The following STK39 variants were observed in gnomAD, a reference collection of about 807,000 sequenced individuals.
The protein encoded by STK39 is serine/threonine kinase 39, also known as STE20/SPS1-related proline-alanine-rich protein kinase.
A neutral mutation model predicts 77.8 loss-of-function variants in STK39; 20 were observed. The ratio of observed to expected loss-of-function variants is 0.26; its 90% CI spans 0.18 to 0.37. STK39 has a LOEUF of 0.37. Among genes scored for constraint, STK39 ranks in the 10% least tolerant of loss-of-function variants. The probability of loss-of-function intolerance (pLI) is 1.00; values close to 1 mark genes in which losing one functional copy is unlikely to be tolerated. For synonymous variants in STK39, 246 were observed against 234.1 expected, an observed-to-expected ratio of 1.05 and a Z score of -0.47; for missense variants, 479 against 656.5, an observed-to-expected ratio of 0.73 and a Z score of 2.95.
At position 168,046,096 on chromosome 2, in the gene STK39, G is replaced by A. The variant is rs376188726; in HGVS notation, c.1376+17404C>T. Among the ~76,000 whole-genome samples the A allele has an allele frequency of 1.2e-4, 18 of 152,302 alleles. No homozygotes were observed. The East Asian group carries it at 2.3e-3, about 20-fold the overall frequency. ...GAAAACTAGCAAGATGGCCAGGCAT[G>A]GTGGCTCACACCTGTAATCCCAGCA... On this transcript the variant is annotated intron_variant, in intron 14 of 17. Coordinates refer to ENST00000355999, the MANE Select transcript of STK39 (RefSeq NM_013233.3).
At chr2:168,012,748 A>C (rs1684302791) in intron 15 of STK39, 46 bp from the exon 16 acceptor site, 1 of 1,520,710 alleles carries the variant, frequency 6.6e-7, no homozygotes. Flanking sequence ...ATAACATAAA[A>C]ATCAACAACC....
intron 12 of STK39, among the ~76,000 whole-genome samples, chr2:168,067,392 T>G (rs998773679): frequency 2.0e-5 from 3 of 152,116 alleles, no homozygotes; most frequent in Non-Finnish European, 2.9e-5. Flanking sequence ...GTGTGGCACC[T>G]CCTTCCCACT....
At chr2:168,120,732 G>A (rs1687384020) in intron 10 of STK39, among the ~76,000 whole-genome samples, 2 of 152,146 alleles carry the variant, frequency 1.3e-5, no homozygotes, top group Admixed American at 1.3e-4. Context: ...ATTATATTAT[G>A]TATTACCTAA....
At chr2:168,168,451 C>T (rs781558422) in intron 2 of STK39, among the ~76,000 whole-genome samples, 14 of 152,032 alleles carry the variant, frequency 9.2e-5, no homozygotes, top group Non-Finnish European at 1.9e-4. Flanking sequence ...TCAAAGAAAC[C>T]TCATTTTTGC....
chr2:167,994,054 T>C (rs942854523), intron 16 of STK39, among the ~76,000 whole-genome samples: 1 of 152,234 alleles, frequency 6.6e-6, no homozygotes. Context: ...TCATATGTCA[T>C]TCTGGAATAC....
At chr2:168,153,525 G>C (rs1688344456) in intron 5 of STK39, among the ~76,000 whole-genome samples, 2 of 151,908 alleles carry the variant, frequency 1.3e-5, no homozygotes, top group African/African-American at 2.4e-5. Flanking sequence ...TTTTTATCAA[G>C]TTTATGCTGC....
intron 10 of STK39, among the ~76,000 whole-genome samples, chr2:168,118,793 C>T (rs938200248): frequency 9.2e-5 from 14 of 152,210 alleles, no homozygotes; most frequent in African/African-American, 3.4e-4. Context: ...TTTTTACAGA[C>T]TGGTAAGCAA....
chr2:168,230,270 AC>A (rs1312738291), intron 1 of STK39, among the ~76,000 whole-genome samples: 4 of 152,136 alleles, frequency 2.6e-5, no homozygotes, highest in Non-Finnish European at 5.9e-5. Context: ...ATATGCTTTA[AC>A]CCAAGGAATG....
At chr2:168,025,255 A>G (rs932137013) in intron 14 of STK39, among the ~76,000 whole-genome samples, 2 of 152,208 alleles carry the variant, frequency 1.3e-5, no homozygotes, top group Admixed American at 1.3e-4. Flanking sequence ...TTCATTATCA[A>G]CTACCTATAT....
At chr2:167,968,258 G>A (rs186657273) in intron 16 of STK39, among the ~76,000 whole-genome samples, 5 of 152,260 alleles carry the variant, frequency 3.3e-5, no homozygotes, top group South Asian at 4.2e-4. Flanking sequence ...CATACTATGC[G>A]TGTGTCTTTT....
chr2:167,956,222 T>C (rs999204124), intron 17 of STK39, among the ~76,000 whole-genome samples: 6 of 152,206 alleles, frequency 3.9e-5, no homozygotes, highest in Non-Finnish European at 8.8e-5. Flanking sequence ...GTGTGTCAAA[T>C]ACTTTATTTT....
At chr2:168,221,225 A>C (rs992479738) in intron 1 of STK39, among the ~76,000 whole-genome samples, 3 of 152,326 alleles carry the variant, frequency 2.0e-5, no homozygotes, top group Admixed American at 6.5e-5. Context: ...GTTGCTGGGT[A>C]CAACAAAAAA....
intron 1 of STK39, among the ~76,000 whole-genome samples, chr2:168,203,044 G>C (rs576698038): frequency 1.7e-4 from 26 of 152,186 alleles, no homozygotes; most frequent in Non-Finnish European, 3.2e-4. Flanking sequence ...TTTTGAGCAG[G>C]ATAATTCTTC....
intron 14 of STK39, among the ~76,000 whole-genome samples, chr2:168,038,713 T>C (rs767493168): frequency 2.6e-5 from 4 of 152,140 alleles, no homozygotes; most frequent in Non-Finnish European, 4.4e-5. Context: ...AAAGAATTTA[T>C]GTAACTCAGA....
chr2:168,065,286 A>G lies in STK39; in HGVS notation c.1305+33T>C, dbSNP rs752192057. ...TTTTTAAAGGATCTGTCTACAAAGC[A>G]CCTCAAACGGAATGACTGGCAGAGA... On this transcript the variant is annotated intron_variant, in intron 13 of 17. Transcript: ENST00000355999. 1.9e-6 allele frequency: 3 copies of G among 1,611,156 alleles called. No homozygotes were observed. In the South Asian group the frequency reaches 3.3e-5, roughly 18 times the overall value.
chr2:168,202,962 A>G (rs1689647389), intron 1 of STK39, among the ~76,000 whole-genome samples: 1 of 152,216 alleles, frequency 6.6e-6, no homozygotes, highest in South Asian at 2.1e-4. Context: ...ACAGAATGCT[A>G]TTGACAGGAA....
chr2:168,170,129 A>C (rs1487925542), intron 2 of STK39, among the ~76,000 whole-genome samples: 1 of 152,212 alleles, frequency 6.6e-6, no homozygotes, highest in African/African-American at 2.4e-5. Context: ...CACATAGAAG[A>C]AAGTTAAAAA....
chr2:168,056,992 G>C (rs572079159), intron 14 of STK39, among the ~76,000 whole-genome samples: 3 of 152,190 alleles, frequency 2.0e-5, no homozygotes, highest in African/African-American at 7.2e-5. Context: ...CAAAGAGCTT[G>C]TAACTTCAAA....
At chr2:168,050,655 G>A (rs918748070) in intron 14 of STK39, among the ~76,000 whole-genome samples, 1 of 152,176 alleles carries the variant, frequency 6.6e-6, no homozygotes, top group African/African-American at 2.4e-5. Context: ...AGCTGGAAAA[G>A]GGAAGGAAAC....
Sources: gnomAD v4.1 joint callset for allele counts (sites outside exome capture counted in the v4.1 genomes callset) on GRCh38, gnomAD v4.1.1 for gene constraint, MANE v1.5 for transcripts, NCBI Gene and HGNC (gene_info 2026-07-23, HGNC 2026-07-21) for gene names.